The following ELAVL4 variants were observed in gnomAD, a reference collection of about 807,000 sequenced individuals.
ELAVL4 encodes the protein ELAV-like protein 4.
In ELAVL4, 1 loss-of-function variant was observed where a neutral mutation model predicts 35.6. That is an observed-to-expected ratio of 0.03 (90% CI 0.01 to 0.13). The LOEUF is 0.13. Among genes scored for constraint, ELAVL4 ranks in the 10% least tolerant of loss-of-function variants. The pLI, the probability that ELAVL4 is intolerant of heterozygous loss-of-function variation, is 1.00. For missense variants in ELAVL4, 267 were observed against 464.9 expected (o/e 0.57, Z 3.91); for synonymous variants, 156 against 171.0 (o/e 0.91, Z 0.69).
At chr1:50,048,159 G>C (rs1219913621) in exon 1 of ELAVL4, 1 of 1,521,900 alleles carries the variant, frequency 6.6e-7, no homozygotes, top group African/African-American at 1.4e-5. Context: ...TCGCCCGGCG[G>C]GGAAGATGCG....
intron 1 of ELAVL4, among the ~76,000 whole-genome samples, chr1:50,116,098 A>G (rs1202689108): frequency 6.6e-6 from 1 of 152,138 alleles, no homozygotes; most frequent in Non-Finnish European, 1.5e-5. Context: ...ATTTTAGTCT[A>G]TAAGGTTTCA....
intron 3 of ELAVL4, among the ~76,000 whole-genome samples, chr1:50,189,175 C>T (rs529045951): frequency 6.6e-6 from 1 of 152,300 alleles, no homozygotes; most frequent in African/African-American, 2.4e-5. Flanking sequence ...TCGTGTTTTC[C>T]ATGTCCTCTC....
At chr1:50,180,792 A>G (rs1680903189) in intron 3 of ELAVL4, 1 of 152,238 alleles carries the variant, frequency 6.6e-6, no homozygotes, top group African/African-American at 2.4e-5. Context: ...GTTAGCTTCA[A>G]AAGGGCCTCT....
At chr1:50,084,847 A>T (rs981719403) in intron 1 of ELAVL4, among the ~76,000 whole-genome samples, 1 of 152,108 alleles carries the variant, frequency 6.6e-6, no homozygotes, top group African/African-American at 2.4e-5. Context: ...GATTTCCTTC[A>T]TAGCACTTCT....
intron 2 of ELAVL4, among the ~76,000 whole-genome samples, chr1:50,150,127 T>C (rs1158346448): frequency 6.6e-6 from 1 of 152,208 alleles, no homozygotes; most frequent in Non-Finnish European, 1.5e-5. Context: ...GAAGTAGCGC[T>C]GGAACATGTC....
intron 1 of ELAVL4, among the ~76,000 whole-genome samples, chr1:50,049,823 G>T (rs1663259266): frequency 6.6e-6 from 1 of 152,138 alleles, no homozygotes; most frequent in Non-Finnish European, 1.5e-5. Flanking sequence ...CAGGTTTTTA[G>T]TTGAAGAACT....
At position 50,203,020 on chromosome 1, in the gene ELAVL4, T is replaced by C. The variant is rs1472969796; in HGVS notation, c.*1842T>C. The C allele has an allele frequency of 6.6e-6, 1 of 152,212 alleles. No individual in the cohort carries two copies. The highest frequency in any genetic ancestry group is 1.5e-5 in the Non-Finnish European group (1 of 68,024). 9.4% of individuals were successfully genotyped at this position (152,212 alleles called of 1,614,324 possible). On this transcript the variant is annotated 3_prime_UTR_variant, in exon 7 of 7. Transcript: ENST00000371824. ...AGTATGTTTGTGCTTTGTACGGTTA[T>C]ATATTTAAAACGAAAACAAAACAAA...
chr1:50,177,124 G>A lies in ELAVL4; in HGVS notation c.286G>A (p.Asp96Asn). The A allele has an allele frequency of 6.2e-7, 1 of 1,613,630 alleles. No homozygotes were observed. The highest frequency in any genetic ancestry group is 8.5e-7 in the Non-Finnish European group (1 of 1,179,894). The change falls in exon 3 of 7, where the codon GAT (aspartate) becomes AAT (asparagine). Residue 96 changes from aspartate to asparagine, a missense_variant. Around this residue, in one of 2 missense-constraint regions of ELAVL4, gnomAD observed 216 missense variants for 409.5 expected, o/e 0.53. Transcript: ENST00000371824. Reference protein sequence around the residue: ...SLGYGFVNYIDPKDAEKAINT... With the variant: ...SLGYGFVNYINPKDAEKAINT... ...AGGGTATGGATTTGTTAACTATATT[G>A]ATCCAAAGGATGCAGAGAAAGCCAT...
At chr1:50,159,936 G>A (rs1473933109) in intron 2 of ELAVL4, among the ~76,000 whole-genome samples, 2 of 152,120 alleles carry the variant, frequency 1.3e-5, no homozygotes, top group Non-Finnish European at 2.9e-5. Flanking sequence ...CTACTCCCAG[G>A]AGGAACAGAA....
In ELAVL4 at chr1:50,158,411, G is replaced by C. The variant is rs574647271; in HGVS notation, c.250+13214G>C. Among the ~76,000 whole-genome samples, 9 of 151,594 alleles carry C rather than the reference G, an allele frequency of 5.9e-5. No individual in the cohort carries two copies. The South Asian group carries it at 1.9e-3, about 32-fold the overall frequency. ...TTCATTAAGTGTAGATACTCTGTTT[G>C]TGTGTGTGTGTGTCTGCATGTGTGT... On this transcript the variant is annotated intron_variant, in intron 2 of 6. Transcript: ENST00000371824.
upstream of ELAVL4, chr1:50,105,881 T>C (rs1045660438): frequency 4.4e-5 from 7 of 160,896 alleles, 1 homozygote; most frequent in African/African-American, 1.7e-4. Context: ...TCTGTTTCTC[T>C]TAAAACAAAA....
At chr1:50,077,067 A>C (rs150189162) in intron 1 of ELAVL4, among the ~76,000 whole-genome samples, 160 of 152,190 alleles carry the variant, frequency 1.1e-3, no homozygotes, top group Non-Finnish European at 2.0e-3. Flanking sequence ...TGTTAGATAC[A>C]TGACCCTATA....
intron 1 of ELAVL4, among the ~76,000 whole-genome samples, chr1:50,077,041 C>G (rs779773882): frequency 2.0e-5 from 3 of 152,128 alleles, no homozygotes; most frequent in Non-Finnish European, 2.9e-5. Context: ...CTCTCTCTCT[C>G]TCTCTCATAC....
intron 1 of ELAVL4, among the ~76,000 whole-genome samples, chr1:50,128,550 T>C (rs1670329700): frequency 2.0e-5 from 3 of 151,980 alleles, no homozygotes; most frequent in Admixed American, 2.0e-4. Context: ...AGTCCAGTGA[T>C]AGAGAAAGAT....
intron 1 of ELAVL4, among the ~76,000 whole-genome samples, chr1:50,083,023 T>C (rs1324853800): frequency 1.3e-5 from 2 of 152,120 alleles, no homozygotes; most frequent in Non-Finnish European, 2.9e-5. Context: ...TGAAAAAGCA[T>C]TGGCCAGGAA....
intron 1 of ELAVL4, among the ~76,000 whole-genome samples, chr1:50,061,312 C>G (rs1663957066): frequency 6.6e-6 from 1 of 152,158 alleles, no homozygotes; most frequent in African/African-American, 2.4e-5. Context: ...AAGGCATGTA[C>G]TCTCCAGTTA....
intron 2 of ELAVL4, among the ~76,000 whole-genome samples, chr1:50,159,461 T>C (rs1423217250): frequency 6.6e-6 from 1 of 152,028 alleles, no homozygotes; most frequent in Non-Finnish European, 1.5e-5. Flanking sequence ...TACAAAAAAT[T>C]AGCTGGGCTT....
rs1373070590 is a variant in ELAVL4, at chr1:50,118,862, G to A, written c.9+9664G>A. ...AGGGAAGTCGATTTTTTTCTTCAAT[G>A]TAATCCTTAAAGTAGGGGAAGGGGT... is the stretch of plus-strand genomic sequence containing the variant. On this transcript the variant is annotated intron_variant, in intron 1 of 6. Coordinates refer to ENST00000371824, the MANE Select transcript of ELAVL4 (RefSeq NM_001144774.3). Among the ~76,000 whole-genome samples, 10 of 148,390 alleles carry A rather than the reference G, an allele frequency of 6.7e-5. No individual in the cohort carries two copies. In the Admixed American group the frequency reaches 6.8e-4, roughly 10 times the overall value.
intron 1 of ELAVL4, among the ~76,000 whole-genome samples, chr1:50,114,239 TG>T (rs1324735409): frequency 6.6e-6 from 1 of 151,928 alleles, no homozygotes. Flanking sequence ...TGTATATGTA[TG>T]GGGGGCGGTG....
Sources: gnomAD v4.1 joint callset for allele counts (sites outside exome capture counted in the v4.1 genomes callset) on GRCh38, gnomAD v4.1.1 for gene constraint, gnomAD v4.1.1 regional missense constraint, MANE v1.5 for transcripts, NCBI Gene and HGNC (gene_info 2026-07-23, HGNC 2026-07-21) for gene names.